DLG2: variants seen among roughly 807,000 people sequenced by gnomAD.
The protein encoded by DLG2 is discs large MAGUK scaffold protein 2, also known as disks large homolog 2.
Under a neutral mutation model 132.5 loss-of-function variants are expected in DLG2, and 45 were observed. That is an observed-to-expected ratio of 0.34 (90% confidence interval 0.27 to 0.44). The LOEUF (loss-of-function observed/expected upper bound fraction) is 0.44, where lower values mean the gene tolerates loss of function less well. DLG2 is among the 20% of genes least tolerant of loss of function. The probability of loss-of-function intolerance (pLI) is 1.00; values close to 1 mark genes in which losing one functional copy is unlikely to be tolerated. For missense variants in DLG2, 1,045 were observed against 1,196.9 expected (o/e 0.87, Z 1.87); for synonymous variants, 424 against 419.6 (o/e 1.01, Z -0.13).
chr11:84,457,892 T>A (rs1006130980), intron 7 of DLG2, among the ~76,000 whole-genome samples: 4 of 150,936 alleles, frequency 2.7e-5, no homozygotes, highest in African/African-American at 7.3e-5. Context: ...ATAGAATACA[T>A]CTATATTTTA....
At chr11:84,081,840 G>A (rs981276840) in intron 10 of DLG2, among the ~76,000 whole-genome samples, 3 of 152,096 alleles carry the variant, frequency 2.0e-5, no homozygotes, top group African/African-American at 4.8e-5. Context: ...ACCCAGTAAT[G>A]GGATCGCTGG....
intron 3 of DLG2, among the ~76,000 whole-genome samples, chr11:85,470,146 TAA>T (rs533121148): frequency 2.3e-4 from 28 of 122,910 alleles, no homozygotes; most frequent in Admixed American, 4.3e-4. Flanking sequence ...ACCAACAATG[TAA>T]AAAAAAAAAA....
intron 4 of DLG2, among the ~76,000 whole-genome samples, chr11:85,185,882 C>A (rs2080057498): frequency 6.6e-6 from 1 of 151,888 alleles, no homozygotes. Flanking sequence ...GATATAATTA[C>A]CGCCACTTCT....
chr11:84,933,958 C>T (rs927266276), intron 6 of DLG2, among the ~76,000 whole-genome samples: 2 of 152,132 alleles, frequency 1.3e-5, no homozygotes, highest in African/African-American at 2.4e-5. Flanking sequence ...CAGGGGAATG[C>T]TTTCAGCTTT....
intron 7 of DLG2, among the ~76,000 whole-genome samples, chr11:84,265,191 A>G (rs2097602192): frequency 1.3e-5 from 2 of 152,198 alleles, no homozygotes; most frequent in Non-Finnish European, 2.9e-5. Flanking sequence ...AAATGTAGCC[A>G]TATATGAGGA....
intron 6 of DLG2, among the ~76,000 whole-genome samples, chr11:84,768,107 T>C (rs1435012345): frequency 1.3e-5 from 2 of 152,166 alleles, no homozygotes; most frequent in African/African-American, 2.4e-5. Context: ...ATCTGTTAAA[T>C]GAGAATGCCA....
chr11:84,540,176 C>G (rs375288029), intron 6 of DLG2, among the ~76,000 whole-genome samples: 1 of 151,992 alleles, frequency 6.6e-6, no homozygotes, highest in Non-Finnish European at 1.5e-5. Flanking sequence ...GCAACAAAAG[C>G]CAAAATTGAC....
At chr11:84,886,562 G>A (rs2154058538) in intron 6 of DLG2, among the ~76,000 whole-genome samples, 1 of 152,202 alleles carries the variant, frequency 6.6e-6, no homozygotes, top group South Asian at 2.1e-4. Context: ...CAACTCATGA[G>A]ATCATTTATA....
chr11:85,264,299 A>G, intron 4 of DLG2, among the ~76,000 whole-genome samples: 1 of 152,228 alleles, frequency 6.6e-6, no homozygotes, highest in Non-Finnish European at 1.5e-5. Flanking sequence ...AACAAAGCAG[A>G]AACCAGGGAC....
intron 6 of DLG2, among the ~76,000 whole-genome samples, chr11:84,902,514 G>T (rs1231740108): frequency 2.0e-5 from 3 of 152,088 alleles, no homozygotes; most frequent in Non-Finnish European, 2.9e-5. Context: ...ATATAGATCT[G>T]ATCTTCACAA....
chr11:85,372,547 T>C (rs2085071203), intron 3 of DLG2, among the ~76,000 whole-genome samples: 1 of 152,228 alleles, frequency 6.6e-6, no homozygotes, highest in Non-Finnish European at 1.5e-5. Flanking sequence ...AAACACACAG[T>C]GCAGGTGAGC....
In DLG2 at chr11:84,827,374, T is replaced by A. The variant is rs866712246; in HGVS notation, c.357+284287A>T. ...AGCTAGAAAAACTAAAAAAAAAAAA[T>A]TTATGTCTGATGCAATTCTGATGTG... On this transcript the variant is annotated intron_variant, in intron 6 of 27. Coordinates refer to ENST00000376104, the MANE Select transcript of DLG2 (RefSeq NM_001142699.3). Among the ~76,000 whole-genome samples the A allele has an allele frequency of 4.0e-5, 6 of 151,130 alleles. 1 individual carries two copies. Among genetic ancestry groups the A allele is most frequent in the South Asian group, 4.2e-4 (2 of 4,788 alleles).
At chr11:84,922,765 C>T (rs1206267324) in intron 6 of DLG2, among the ~76,000 whole-genome samples, 1 of 152,032 alleles carries the variant, frequency 6.6e-6, no homozygotes, top group African/African-American at 2.4e-5. Context: ...TAGCTTTTTA[C>T]CTTCTCTGAT....
At chr11:83,863,315 G>C (rs1010881460) in intron 16 of DLG2, among the ~76,000 whole-genome samples, 1 of 152,054 alleles carries the variant, frequency 6.6e-6, no homozygotes, top group Non-Finnish European at 1.5e-5. Context: ...ATCAGTTTTG[G>C]GGGGTGTAGA....
intron 3 of DLG2, among the ~76,000 whole-genome samples, chr11:85,403,829 G>C (rs1184136165): frequency 1.3e-5 from 2 of 152,014 alleles, no homozygotes; most frequent in Non-Finnish European, 2.9e-5. Flanking sequence ...GTAAGCTGTT[G>C]TAATATACCA....
intron 3 of DLG2, among the ~76,000 whole-genome samples, chr11:85,535,634 T>C (rs893651014): frequency 1.3e-5 from 2 of 152,140 alleles, no homozygotes; most frequent in African/African-American, 4.8e-5. Context: ...CTCCTAGATA[T>C]ATGCCCAAGA....
intron 14 of DLG2, among the ~76,000 whole-genome samples, chr11:83,960,584 G>A (rs11233859): frequency 0.14 from 20,478 of 151,516 alleles, 1,734 homozygotes; most frequent in African/African-American, 0.22. Flanking sequence ...CTTCATGGAG[G>A]GGGTTCTGCA....
intron 8 of DLG2, among the ~76,000 whole-genome samples, chr11:84,250,888 G>C (rs898450678): frequency 2.0e-5 from 3 of 152,178 alleles, no homozygotes; most frequent in African/African-American, 7.2e-5. Context: ...GACTATCACA[G>C]AAATTGACTT....
chr11:84,325,646 A>T (rs1001765039), intron 7 of DLG2, among the ~76,000 whole-genome samples: 1 of 151,948 alleles, frequency 6.6e-6, no homozygotes. Flanking sequence ...GTTAAATTTC[A>T]TTTGCTATTA....
Sources: allele counts gnomAD v4.1 joint callset (sites outside exome capture counted in the v4.1 genomes callset), GRCh38; gene constraint gnomAD v4.1.1; transcripts MANE v1.5; gene names NCBI Gene and HGNC (gene_info 2026-07-23, HGNC 2026-07-21).